Variants in TRIM9 observed in about 807,000 individuals in gnomAD.
TRIM9 encodes the protein tripartite motif containing 9, also known as E3 ubiquitin-protein ligase TRIM9.
In TRIM9, 26 loss-of-function variants were observed where a neutral mutation model predicts 78.3. The ratio of observed to expected loss-of-function variants is 0.33; its 90% CI spans 0.24 to 0.46. TRIM9 has a LOEUF of 0.46. Ranked by LOEUF, TRIM9 falls within the 20% of genes least tolerant of loss-of-function variation. TRIM9 has a pLI of 1.00. For missense variants in TRIM9, 787 were observed against 1,036.4 expected, an observed-to-expected ratio of 0.76 and a Z score of 3.30; for synonymous variants, 398 against 416.5, an observed-to-expected ratio of 0.96 and a Z score of 0.54.
chr14:50,983,919 T>A (rs1300429295), intron 8 of TRIM9, among the ~76,000 whole-genome samples: 1 of 152,196 alleles, frequency 6.6e-6, no homozygotes, highest in African/African-American at 2.4e-5. Flanking sequence ...ATCTTATTAA[T>A]AATTATTAAT....
intron 11 of TRIM9, among the ~76,000 whole-genome samples, chr14:50,980,670 A>G (rs8012725): frequency 0.12 from 17,903 of 152,272 alleles, 1,235 homozygotes; most frequent in African/African-American, 0.18. Context: ...TAAGTGTGGC[A>G]TTTGGGTGAT....
chr14:51,044,187 CA>C (rs1203225538), intron 1 of TRIM9, among the ~76,000 whole-genome samples: 2 of 152,062 alleles, frequency 1.3e-5, no homozygotes, highest in Non-Finnish European at 2.9e-5. Flanking sequence ...GCAGATTCAA[CA>C]GGGGTCCACA....
At chr14:50,993,220 G>A (rs2053749620) in intron 7 of TRIM9, among the ~76,000 whole-genome samples, 1 of 152,172 alleles carries the variant, frequency 6.6e-6, no homozygotes, top group Non-Finnish European at 1.5e-5. Flanking sequence ...TAGGTGACCT[G>A]CTCACCTGGG....
chr14:51,048,480 TCCTG>T (rs2060125668), intron 1 of TRIM9, among the ~76,000 whole-genome samples: 2 of 152,266 alleles, frequency 1.3e-5, no homozygotes, highest in Non-Finnish European at 2.9e-5. Flanking sequence ...ATCCATCAAA[TCCTG>T]AGTGTGTCCT....
chr14:51,053,145 G>A (rs1213461837), intron 1 of TRIM9, among the ~76,000 whole-genome samples: 1 of 134,246 alleles, frequency 7.4e-6, no homozygotes, highest in African/African-American at 2.7e-5. Context: ...GGGTGACAGA[G>A]AGAGACCCTG....
chr14:50,998,919 T>A (rs12891180), intron 6 of TRIM9, among the ~76,000 whole-genome samples: 56,242 of 152,116 alleles, frequency 0.37, 10,823 homozygotes, highest in South Asian at 0.56. Flanking sequence ...ACAGCCTTAA[T>A]ATGACAACTC....
intron 1 of TRIM9, among the ~76,000 whole-genome samples, chr14:51,025,697 A>G (rs1191747672): frequency 6.6e-6 from 1 of 152,236 alleles, no homozygotes; most frequent in Non-Finnish European, 1.5e-5. Context: ...GCAAAACAAA[A>G]TAGTGAGTCA....
chr14:51,086,638 C>T (rs1193437828), intron 1 of TRIM9, among the ~76,000 whole-genome samples: 1 of 152,164 alleles, frequency 6.6e-6, no homozygotes, highest in Non-Finnish European at 1.5e-5. Flanking sequence ...AGATTTCTCA[C>T]AGAAGCAATT....
chr14:51,025,474 T>G lies in TRIM9; in HGVS notation c.823-114A>C. 7 of 855,548 alleles carry G rather than the reference T, an allele frequency of 8.2e-6. No individual in the cohort carries two copies. In the South Asian group the frequency reaches 1.1e-4, roughly 14 times the overall value. The allele number at this position is 855,548 out of a possible 1,614,324, so 53.0% of individuals were successfully genotyped here. A position where few individuals can be genotyped will look rare whatever the true frequency, so the allele number is the denominator to read the frequency against. On this transcript the variant is annotated intron_variant, in intron 1 of 12. Transcript: ENST00000684578. ...CTCCTCAGATTCCTCTTGTCTGAGG[T>G]TGGACCTTTTTGCTGGCATTTGTAC...
intron 1 of TRIM9, among the ~76,000 whole-genome samples, chr14:51,026,271 G>C (rs1201497426): frequency 2.6e-5 from 4 of 152,192 alleles, no homozygotes; most frequent in Non-Finnish European, 5.9e-5. Flanking sequence ...GGCCAATAGG[G>C]TATGGGTGGA....
chr14:51,051,494 G>A (rs765583636), intron 1 of TRIM9, among the ~76,000 whole-genome samples: 2 of 151,934 alleles, frequency 1.3e-5, no homozygotes, highest in African/African-American at 2.4e-5. Flanking sequence ...GTCTTACCTC[G>A]TAGGCCTTTG....
intron 7 of TRIM9, among the ~76,000 whole-genome samples, chr14:50,990,232 G>T (rs1344633565): frequency 1.3e-5 from 2 of 152,044 alleles, no homozygotes; most frequent in African/African-American, 2.4e-5. Context: ...TGCCCAGGCT[G>T]GTCTCAAACC....
intron 1 of TRIM9, among the ~76,000 whole-genome samples, chr14:51,063,791 T>C (rs74054025): frequency 0.025 from 3,808 of 152,176 alleles, 163 homozygotes; most frequent in African/African-American, 0.088. Flanking sequence ...AAATAGAAGC[T>C]AAGACAATTT....
intron 3 of TRIM9, among the ~76,000 whole-genome samples, chr14:51,011,974 CT>C (rs2056634650): frequency 6.6e-6 from 1 of 152,128 alleles, no homozygotes; most frequent in South Asian, 2.1e-4. Flanking sequence ...CATTCCTGTT[CT>C]CTTATTATTG....
At chr14:51,026,685 G>A (rs1221073418) in intron 1 of TRIM9, among the ~76,000 whole-genome samples, 1 of 152,082 alleles carries the variant, frequency 6.6e-6, no homozygotes, top group African/African-American at 2.4e-5. Flanking sequence ...TACAAAGTTG[G>A]GCACTGACTC....
intron 1 of TRIM9, among the ~76,000 whole-genome samples, chr14:51,050,167 A>T (rs571382884): frequency 2.0e-5 from 3 of 152,240 alleles, no homozygotes; most frequent in Non-Finnish European, 2.9e-5. Flanking sequence ...AAAGATGGCC[A>T]TACCTATGTA....
At chr14:50,998,229 C>T (rs778663711) in intron 6 of TRIM9, 41 bp from the exon 7 acceptor site, 2 of 1,598,406 alleles carry the variant, frequency 1.3e-6, no homozygotes, top group Non-Finnish European at 1.7e-6. Context: ...TAGCCTGCCC[C>T]CTTCTGAGGG....
chr14:51,022,071 T>C (rs1346606693), intron 3 of TRIM9, among the ~76,000 whole-genome samples: 1 of 152,238 alleles, frequency 6.6e-6, no homozygotes, highest in Non-Finnish European at 1.5e-5. Context: ...TTTCCTACTT[T>C]TAGAATTTTT....
At chr14:51,071,003 T>C (rs1048937324) in intron 1 of TRIM9, among the ~76,000 whole-genome samples, 2 of 151,980 alleles carry the variant, frequency 1.3e-5, no homozygotes, top group Non-Finnish European at 2.9e-5. Flanking sequence ...ATAATGTAAA[T>C]GATCCTGGAA....
Sources: gnomAD v4.1 joint callset for allele counts (sites outside exome capture counted in the v4.1 genomes callset) on GRCh38, gnomAD v4.1.1 for gene constraint, MANE v1.5 for transcripts, NCBI Gene and HGNC (gene_info 2026-07-23, HGNC 2026-07-21) for gene names.